The following ROBO2 variants were observed in gnomAD, a reference collection of about 807,000 sequenced individuals.
ROBO2 encodes roundabout guidance receptor 2.
In ROBO2, 53 loss-of-function variants were observed where a neutral mutation model predicts 160.8. That is an observed-to-expected ratio of 0.33 (90% CI 0.26 to 0.41). The LOEUF is 0.41. ROBO2 is among the 10% of genes least tolerant of loss of function. ROBO2 has a pLI of 1.00. For missense variants in ROBO2, 1,577 were observed against 1,722.4 expected (o/e 0.92, Z 1.49); for synonymous variants, 664 against 611.7 (o/e 1.09, Z -1.26).
chr3:77,524,336 C>T (rs2090926238), intron 6 of ROBO2, among the ~76,000 whole-genome samples: 1 of 150,702 alleles, frequency 6.6e-6, no homozygotes, highest in African/African-American at 2.4e-5. Flanking sequence ...CCTTTGTAAG[C>T]CAATGAACAC....
intron 2 of ROBO2, among the ~76,000 whole-genome samples, chr3:76,285,523 A>C (rs932685327): frequency 6.6e-6 from 1 of 152,108 alleles, no homozygotes; most frequent in Non-Finnish European, 1.5e-5. Context: ...TAAAGACCTC[A>C]AGAGCTTGAA....
At chr3:77,071,743 A>G (rs1254716305) in intron 1 of ROBO2, among the ~76,000 whole-genome samples, 1 of 152,140 alleles carries the variant, frequency 6.6e-6, no homozygotes, top group Non-Finnish European at 1.5e-5. Flanking sequence ...CGTGATTAGG[A>G]AACCATCAGT....
At chr3:76,261,767 G>A (rs1559695326) in intron 2 of ROBO2, among the ~76,000 whole-genome samples, 2 of 151,900 alleles carry the variant, frequency 1.3e-5, no homozygotes, top group Admixed American at 6.6e-5. Flanking sequence ...TATTTTTCAT[G>A]CATGATATAC....
At chr3:77,412,029 G>T (rs537656135) in intron 2 of ROBO2, among the ~76,000 whole-genome samples, 20 of 152,208 alleles carry the variant, frequency 1.3e-4, no homozygotes, top group African/African-American at 4.1e-4. Flanking sequence ...TTAATGTGTA[G>T]GTGACTCATA....
intron 2 of ROBO2, among the ~76,000 whole-genome samples, chr3:76,826,577 A>T (rs1428162417): frequency 6.6e-6 from 1 of 152,152 alleles, no homozygotes; most frequent in Non-Finnish European, 1.5e-5. Context: ...AGCATGCTAC[A>T]TAAGGCTAGA....
At chr3:76,798,433 T>C (rs928371300) in intron 2 of ROBO2, among the ~76,000 whole-genome samples, 4 of 152,232 alleles carry the variant, frequency 2.6e-5, no homozygotes, top group Admixed American at 6.5e-5. Context: ...GCATGACCAA[T>C]AGGGATTCAT....
At chr3:77,283,621 T>G (rs1460315221) in intron 2 of ROBO2, among the ~76,000 whole-genome samples, 1 of 152,170 alleles carries the variant, frequency 6.6e-6, no homozygotes, top group Non-Finnish European at 1.5e-5. Context: ...CTTTTGAACA[T>G]ACCTAACTGG....
Position 76,055,259 on chromosome 3 carries a change from A to T in ROBO2, c.109+117657A>T, listed in dbSNP as rs561642391. ...ACAACCTGTGGGGATTATGGGAGCTACAATTCAAGATGAGATTTGGGTGGG... is the reference window on the plus strand; with the variant it reads ...ACAACCTGTGGGGATTATGGGAGCTTCAATTCAAGATGAGATTTGGGTGGG... On this transcript the variant is annotated intron_variant, in intron 2 of 26. Transcript: ENST00000487694. 3.9e-5 allele frequency among the ~76,000 whole-genome samples: 6 copies of T among 152,336 alleles called. No individual in the cohort carries two copies. The East Asian group carries it at 1.2e-3, about 29-fold the overall frequency.
chr3:76,148,033 C>A (rs560329119), intron 2 of ROBO2, among the ~76,000 whole-genome samples: 2 of 152,016 alleles, frequency 1.3e-5, no homozygotes, highest in African/African-American at 2.4e-5. Flanking sequence ...TGAGGAAGCA[C>A]GTCAGAGAGC....
At position 76,667,167 on chromosome 3, in the gene ROBO2, G is replaced by A. The variant is rs533295428; in HGVS notation, c.110-430847G>A. Among the ~76,000 whole-genome samples, 3 of 152,226 alleles carry A rather than the reference G, an allele frequency of 2.0e-5. No individual in the cohort carries two copies. In the East Asian group the frequency reaches 5.8e-4, roughly 29 times the overall value. ...AGGGGAGAAGTTACAGGTGAGGGCA[G>A]TTAGATTTTTAGAATTATACAAAGA... On this transcript the variant is annotated intron_variant, in intron 2 of 26. Coordinates refer to the ROBO2 transcript ENST00000487694.
chr3:77,023,251 A>G (rs115021018), intron 2 of ROBO2, among the ~76,000 whole-genome samples: 5,169 of 152,174 alleles, frequency 0.034, 250 homozygotes, highest in African/African-American at 0.11. Flanking sequence ...TGCTGCCACC[A>G]TGTAAGTAGT....
intron 2 of ROBO2, among the ~76,000 whole-genome samples, chr3:76,347,612 A>G (rs1474421109): frequency 6.6e-6 from 1 of 151,960 alleles, no homozygotes; most frequent in Non-Finnish European, 1.5e-5. Flanking sequence ...ACTTATTTAT[A>G]ATCTTATACT....
intron 2 of ROBO2, among the ~76,000 whole-genome samples, chr3:77,008,193 G>T (rs951446487): frequency 6.6e-6 from 1 of 151,930 alleles, no homozygotes; most frequent in Non-Finnish European, 1.5e-5. Flanking sequence ...TCGGTTTCTT[G>T]AACTTGAAAT....
intron 2 of ROBO2, among the ~76,000 whole-genome samples, chr3:76,178,400 G>A (rs2073305395): frequency 6.6e-6 from 1 of 152,136 alleles, no homozygotes; most frequent in South Asian, 2.1e-4. Flanking sequence ...GCGATAAGAA[G>A]ACTTGAAGCT....
chr3:76,824,599 T>A (rs1292290481), intron 2 of ROBO2, among the ~76,000 whole-genome samples: 1 of 152,174 alleles, frequency 6.6e-6, no homozygotes, highest in African/African-American at 2.4e-5. Context: ...ACTGAGTTTA[T>A]AAGTCAGAAT....
At chr3:76,089,496 A>T (rs1221715179) in intron 2 of ROBO2, among the ~76,000 whole-genome samples, 2 of 152,160 alleles carry the variant, frequency 1.3e-5, no homozygotes. Flanking sequence ...ACCAAATTAG[A>T]TTTATCTAGG....
rs562827308 is a variant in ROBO2 at position 76,224,285 on chromosome 3, T to A, written c.109+286683T>A. Among the ~76,000 whole-genome samples, 11 of 152,250 alleles carry A rather than the reference T, an allele frequency of 7.2e-5. No individual in the cohort carries two copies. The East Asian group carries it at 2.1e-3, about 29-fold the overall frequency. ...ACAGTTGTGTAATTCAGTCTGAAGA[T>A]CTGAAAACCGAGAGAGTTAATGGCA... On this transcript the variant is annotated intron_variant, in intron 2 of 26. Coordinates refer to the ROBO2 transcript ENST00000487694.
chr3:76,872,723 T>C (rs543675542), intron 2 of ROBO2, among the ~76,000 whole-genome samples: 1 of 152,124 alleles, frequency 6.6e-6, no homozygotes, highest in African/African-American at 2.4e-5. Flanking sequence ...ATTTTTGACA[T>C]GATTTATCTA....
intron 2 of ROBO2, among the ~76,000 whole-genome samples, chr3:76,723,379 T>C (rs1477450255): frequency 6.6e-6 from 1 of 152,174 alleles, no homozygotes; most frequent in African/African-American, 2.4e-5. Flanking sequence ...GTGCACCATC[T>C]TTGGGGAAAA....
Sources: gnomAD v4.1 joint callset for allele counts (sites outside exome capture counted in the v4.1 genomes callset) on GRCh38, gnomAD v4.1.1 for gene constraint, MANE v1.5 for transcripts, NCBI Gene and HGNC (gene_info 2026-07-23, HGNC 2026-07-21) for gene names.